Variants in DENND1A observed in about 807,000 individuals in gnomAD.
The protein encoded by DENND1A is DENN domain containing 1A, also known as DENN domain-containing protein 1A.
DENND1A carries 51 observed loss-of-function variants against 113.7 expected under a neutral mutation model. That is an observed-to-expected ratio of 0.45 (90% CI 0.36 to 0.57). The LOEUF is 0.57. DENND1A is among the 20% of genes least tolerant of loss of function. DENND1A has a pLI of 0.00. For missense variants in DENND1A, 1,258 were observed against 1,395.9 expected, an observed-to-expected ratio of 0.90 and a Z score of 1.57; for synonymous variants, 565 against 570.8, an observed-to-expected ratio of 0.99 and a Z score of 0.14.
chr9:123,438,166 A>G (rs770091245), intron 19 of DENND1A, among the ~76,000 whole-genome samples: 3 of 152,248 alleles, frequency 2.0e-5, no homozygotes, highest in Admixed American at 2.0e-4. Context: ...TAGGTGCTCT[A>G]GAAACCGTAC....
At chr9:123,456,670 C>T (rs981034922) in intron 15 of DENND1A, among the ~76,000 whole-genome samples, 3 of 152,082 alleles carry the variant, frequency 2.0e-5, no homozygotes, top group Non-Finnish European at 2.9e-5. Context: ...ATTAGCTGGG[C>T]GTGGTGACAC....
intron 13 of DENND1A, among the ~76,000 whole-genome samples, chr9:123,491,459 T>C (rs904408754): frequency 6.6e-6 from 1 of 152,212 alleles, no homozygotes; most frequent in Non-Finnish European, 1.5e-5. Context: ...AGTGGCTGGA[T>C]ACCCGCATTG....
intron 4 of DENND1A, among the ~76,000 whole-genome samples, chr9:123,765,846 G>A (rs954522242): frequency 4.6e-5 from 7 of 152,192 alleles, no homozygotes; most frequent in African/African-American, 1.2e-4. Context: ...ACAGCTTCAC[G>A]TACACTGTAG....
At chr9:123,629,303 T>C (rs1463236239) in intron 10 of DENND1A, among the ~76,000 whole-genome samples, 1 of 152,252 alleles carries the variant, frequency 6.6e-6, no homozygotes, top group African/African-American at 2.4e-5. Context: ...TGCCTTTCCC[T>C]GTCTGTGTAC....
rs1288389790 is a variant in DENND1A, at chr9:123,403,720, A to G, written c.1543-230T>C. The G allele has an allele frequency of 2.3e-5, 13 of 553,252 alleles. No homozygotes were observed. In the Admixed American group the frequency reaches 2.7e-4, roughly 12 times the overall value. The allele number at this position is 553,252 out of a possible 1,614,324, so 34.3% of individuals were successfully genotyped here. On this transcript the variant is annotated intron_variant, in intron 20 of 23. Transcript: ENST00000394215. ...TTCAAATCAGAAGGGTGCTCCTGGA[A>G]AGCTCGGTTTCTTCATCTGCAAGAT...
Position 123,381,518 on chromosome 9 carries a change from T to C in DENND1A, c.3127A>G (p.Lys1043Glu), listed in dbSNP as rs2042266965. ...DPFEDLLQKTKQDVSPSPALA... is the reference protein window; with the variant it reads ...DPFEDLLQKTEQDVSPSPALA... Reference sequence around the variant, plus strand: ...GCCGGACTCGGGCTCACGTCTTGCTTGGTTTTCTGTAACAAATCCTCAAAG... The same window carrying C: ...GCCGGACTCGGGCTCACGTCTTGCTCGGTTTTCTGTAACAAATCCTCAAAG... The change falls in exon 24 of 24, where the codon AAG (lysine) becomes GAG (glutamate). Residue 1043 changes from lysine (K) to glutamate (E), a missense_variant. This residue lies in a region of DENND1A where 1,159 missense variants were observed against 1,231.7 expected (regional missense o/e 0.94). Coordinates refer to ENST00000394215, the MANE Select transcript of DENND1A (RefSeq NM_001352964.2). The surrounding 1 kb of genome is among the most constrained non-coding windows in gnomAD (Gnocchi z 4.7). The C allele has an allele frequency of 1.9e-6, 3 of 1,613,464 alleles. No homozygotes were observed. The highest frequency in any genetic ancestry group is 2.5e-6 in the Non-Finnish European group (3 of 1,179,896).
chr9:123,893,791 A>G (rs1850288668), intron 1 of DENND1A, among the ~76,000 whole-genome samples: 1 of 152,198 alleles, frequency 6.6e-6, no homozygotes, highest in Non-Finnish European at 1.5e-5. Context: ...TCTTACTTCA[A>G]AGGGCATGCT....
chr9:123,706,135 G>T (rs1232315897), intron 5 of DENND1A, among the ~76,000 whole-genome samples: 1 of 147,116 alleles, frequency 6.8e-6, no homozygotes, highest in African/African-American at 2.6e-5. Context: ...ACAGATACTA[G>T]ATATTTTTTC....
chr9:123,832,865 C>T (rs1234893056), intron 2 of DENND1A, among the ~76,000 whole-genome samples: 1 of 152,036 alleles, frequency 6.6e-6, no homozygotes, highest in Non-Finnish European at 1.5e-5. Context: ...TAGCTGGGCA[C>T]ATTTGCTCAC....
At chr9:123,466,696 A>G (rs568504864) in intron 13 of DENND1A, among the ~76,000 whole-genome samples, 17 of 152,322 alleles carry the variant, frequency 1.1e-4, no homozygotes, top group Non-Finnish European at 2.1e-4. Context: ...CTTTCCTTCT[A>G]TGTCATCATT....
At chr9:123,670,406 T>G (rs2063708451) in intron 7 of DENND1A, among the ~76,000 whole-genome samples, 1 of 152,114 alleles carries the variant, frequency 6.6e-6, no homozygotes, top group South Asian at 2.1e-4. Context: ...ACCTAGGGAA[T>G]TAGAGAATTC....
intron 4 of DENND1A, chr9:123,759,258 G>A (rs1472064997): frequency 6.6e-6 from 1 of 152,194 alleles, no homozygotes; most frequent in African/African-American, 2.4e-5. Context: ...AGCTGTTGCT[G>A]CTAGAGCTTG....
chr9:123,884,503 A>C (rs1588080621), intron 1 of DENND1A, among the ~76,000 whole-genome samples: 1 of 152,074 alleles, frequency 6.6e-6, no homozygotes, highest in Non-Finnish European at 1.5e-5. Context: ...CCACCTGCCA[A>C]GCATTTTTTT....
chr9:123,461,722 TTG>T (rs2048538669), intron 13 of DENND1A, among the ~76,000 whole-genome samples: 1 of 152,312 alleles, frequency 6.6e-6, no homozygotes, highest in African/African-American at 2.4e-5. Flanking sequence ...TTTGGGCCTG[TTG>T]TGTGCTCACG....
Position 123,697,546 on chromosome 9 carries a change from C to A in DENND1A, c.303-20757G>T, listed in dbSNP as rs750741397. On this transcript the variant is annotated intron_variant, in intron 5 of 23. Transcript: ENST00000394215. Reference sequence around the variant, plus strand: ...CTTTTATCTCTTGCCCCGTCCCATTCTTCCCCTCAAGTCCCCGAAGTCCAT... The same window carrying A: ...CTTTTATCTCTTGCCCCGTCCCATTATTCCCCTCAAGTCCCCGAAGTCCAT... Among the ~76,000 whole-genome samples the A allele has an allele frequency of 3.3e-5, 5 of 152,298 alleles. No homozygotes were observed. The South Asian group carries it at 1.0e-3, about 32-fold the overall frequency.
intron 13 of DENND1A, among the ~76,000 whole-genome samples, chr9:123,501,614 G>C (rs562544604): frequency 6.6e-6 from 1 of 152,328 alleles, no homozygotes; most frequent in Admixed American, 6.5e-5. Flanking sequence ...GGTTAATACT[G>C]AGTGTCAACT....
chr9:123,657,282 C>T (rs1349673754), intron 8 of DENND1A, among the ~76,000 whole-genome samples: 1 of 152,140 alleles, frequency 6.6e-6, no homozygotes, highest in African/African-American at 2.4e-5. Context: ...CAGGAGAAGC[C>T]TTATAATGGC....
At chr9:123,829,848 G>A (rs957506467) in intron 2 of DENND1A, among the ~76,000 whole-genome samples, 6 of 151,984 alleles carry the variant, frequency 3.9e-5, no homozygotes, top group Non-Finnish European at 5.9e-5. Context: ...AGAGAAAGAG[G>A]AAACACTCGT....
At chr9:123,466,566 G>T (rs2048967609) in intron 13 of DENND1A, among the ~76,000 whole-genome samples, 1 of 152,166 alleles carries the variant, frequency 6.6e-6, no homozygotes, top group Non-Finnish European at 1.5e-5. Flanking sequence ...CAAAGTGCTG[G>T]GATGACAGGC....
Sources: allele counts gnomAD v4.1 joint callset (sites outside exome capture counted in the v4.1 genomes callset), GRCh38; gene constraint gnomAD v4.1.1; regional missense constraint gnomAD v4.1.1; non-coding constraint Gnocchi (gnomAD v3.1); transcripts MANE v1.5; gene names NCBI Gene and HGNC (gene_info 2026-07-23, HGNC 2026-07-21).